PCK2: variants seen among roughly 807,000 people sequenced by gnomAD.
PCK2 encodes phosphoenolpyruvate carboxykinase 2, mitochondrial, also known as phosphoenolpyruvate carboxykinase [GTP], mitochondrial.
In PCK2, 56 loss-of-function variants were observed where a neutral mutation model predicts 65.9. That is an observed-to-expected ratio of 0.85 (90% confidence interval 0.69 to 1.06). PCK2 has a LOEUF of 1.06. PCK2 is among the 50% of genes least tolerant of loss of function. The pLI, the probability that PCK2 is intolerant of heterozygous loss-of-function variation, is 0.00. For missense variants in PCK2, 843 were observed against 863.1 expected (o/e 0.98, Z 0.29); for synonymous variants, 305 against 319.6 (o/e 0.95, Z 0.49).
rs17101262 is a variant in PCK2 at position 24,100,195 on chromosome 14, G to A, written c.1216G>A (p.Gly406Ser). 1.1e-3 allele frequency: 1,849 copies of A among 1,614,154 alleles called. 22 individuals are homozygous for A. In the African/African-American group the frequency reaches 0.022, roughly 19 times the overall value. The change falls in exon 7 of 10, where the codon GGC becomes AGC. Residue 406 changes from glycine to serine, a missense_variant. Physicochemically the swap from Gly to Ser is moderately conservative, Grantham distance 56. Transcript: ENST00000216780. Reference sequence around the variant, plus strand: ...TGGTGTTACTGTGACCTCCTGGCTGGGCAAACCCTGGAAACCTGGTATGTG... The same window carrying A: ...TGGTGTTACTGTGACCTCCTGGCTGAGCAAACCCTGGAAACCTGGTATGTG... ...PPGVTVTSWL[G>S]KPWKPGDKEP...
chr14:24,094,992 G>A lies in PCK2; in HGVS notation c.29+558G>A. On this transcript the variant is annotated intron_variant, in intron 1 of 9. Transcript: ENST00000216780. The surrounding 1 kb of genome is among the most constrained non-coding windows in gnomAD (Gnocchi z 4.1). ...GAGGGACCTGGGCCCAGGGGAGGGA[G>A]GCAAGCAAGGTGGGAGGAGGGCGCC... 1.8e-6 allele frequency: 1 copy of A among 567,886 alleles called. No homozygotes were observed. The highest frequency in any genetic ancestry group is 2.9e-6 in the Non-Finnish European group (1 of 342,168). 35.2% of individuals were successfully genotyped at this position (567,886 alleles called of 1,614,324 possible).
chr14:24,094,668 T>G lies in PCK2; in HGVS notation c.29+234T>G. 6.6e-7 allele frequency: 1 copy of G among 1,514,358 alleles called. No homozygotes were observed. The highest frequency in any genetic ancestry group is 8.8e-7 in the Non-Finnish European group (1 of 1,133,768). The allele number at this position is 1,514,358 out of a possible 1,614,324, so 93.8% of individuals were successfully genotyped here. A position where few individuals can be genotyped will look rare whatever the true frequency, so the allele number is the denominator to read the frequency against. On this transcript the variant is annotated intron_variant, in intron 1 of 9. Transcript: ENST00000216780. The surrounding 1 kb of genome is among the most constrained non-coding windows in gnomAD (Gnocchi z 4.1). ...TCCCCTTCTCTGCCTCGCTCGCCTC[T>G]GACCGCGCGATCTCTATCTGCCACT...
chr14:24,094,277 C>T (rs1262260053), upstream of PCK2: 59 of 895,634 alleles, frequency 6.6e-5, no homozygotes, highest in South Asian at 8.3e-4. This position sits in a 1 kb window ranked among gnomAD's most constrained non-coding sequence, Gnocchi z 4.1. Flanking sequence ...CGCCTGCCCC[C>T]CTCCTTTTTA....
At chr14:24,099,384 C>A in intron 5 of PCK2, 148 bp downstream of exon 5, 1 of 1,001,466 alleles carries the variant, frequency 1.0e-6, no homozygotes, top group Non-Finnish European at 1.4e-6. Flanking sequence ...TGGCCTCAGG[C>A]TGCTGAATGT....
chr14:24,094,328 G>T lies in PCK2; in HGVS notation c.-78G>T, dbSNP rs2036750864. 1 of 1,400,244 alleles carries T rather than the reference G, an allele frequency of 7.1e-7. No individual in the cohort carries two copies. Among genetic ancestry groups the T allele is most frequent in the South Asian group, 1.2e-5 (1 of 80,784 alleles). The allele number at this position is 1,400,244 out of a possible 1,614,324, so 86.7% of individuals were successfully genotyped here. A position where few individuals can be genotyped will look rare whatever the true frequency, so the allele number is the denominator to read the frequency against. The stretch of plus-strand genomic sequence containing the variant: ...CCTCTGCTGTGGCTCGCTTCGCCGC[G>T]CTCCCTCCTTCCCCGCCTTCCATAC... On this transcript the variant is annotated 5_prime_UTR_variant, in exon 1 of 10. Transcript: ENST00000216780. The surrounding 1 kb of genome is among the most constrained non-coding windows in gnomAD (Gnocchi z 4.1).
chr14:24,100,623 A>G, intron 7 of PCK2: 1 of 1,028,248 alleles, frequency 9.7e-7, no homozygotes, highest in Non-Finnish European at 1.2e-6. Context: ...TTCTTACAGA[A>G]GGTATTGGGC....
chr14:24,102,973 C>A, intron 8 of PCK2, 83 bp downstream of exon 8: 2 of 1,406,360 alleles, frequency 1.4e-6, no homozygotes, highest in Non-Finnish European at 2.0e-6. Flanking sequence ...GATCCAGAGC[C>A]TCAGCCTGGA....
chr14:24,096,926 C>T lies in PCK2; in HGVS notation c.64C>T (p.Pro22Ser). Residue 22 changes from proline (P) to serine (S), a missense_variant, in exon 2 of 10, where the codon CCA (proline) becomes TCA (serine). Pro to Ser is a moderately conservative substitution (Grantham distance 74, BLOSUM62 -1). Coordinates refer to ENST00000216780, the MANE Select transcript of PCK2 (RefSeq NM_004563.4). ...GCATGGGCTGAGCCCCTTGGGCTGG[C>T]CATCATGCCGTAGCATCCAGACCCT... ...NWHGLSPLGW[P>S]SCRSIQTLRV... The T allele has an allele frequency of 6.2e-7, 1 of 1,613,098 alleles. No homozygotes were observed. Among genetic ancestry groups the T allele is most frequent in the South Asian group, 1.1e-5 (1 of 91,068 alleles).
At position 24,103,845 on chromosome 14, in the gene PCK2, T is replaced by G. The variant is rs773870661; in HGVS notation, c.1804T>G (p.Phe602Val). The change falls in exon 10 of 10, where the codon TTC (phenylalanine) becomes GTC (valine). Residue 602 changes from phenylalanine (F) to valine (V), a missense_variant. By Grantham distance (50) the Phe-to-Val change is conservative. Coordinates refer to ENST00000216780, the MANE Select transcript of PCK2 (RefSeq NM_004563.4). ...TTQLFSLPKD[F>V]WEQEVRDIRS... is the part of the protein sequence containing the mutation. ...TCAGCTGTTCTCCCTCCCCAAGGAC[T>G]TCTGGGAACAGGAGGTTCGTGACAT... 3 of 1,614,074 alleles carry G rather than the reference T, an allele frequency of 1.9e-6. No homozygotes were observed. Among genetic ancestry groups the G allele is most frequent in the Non-Finnish European group, 2.5e-6 (3 of 1,179,966 alleles).
chr14:24,100,518 G>T, intron 7 of PCK2: 1 of 875,958 alleles, frequency 1.1e-6, no homozygotes. Flanking sequence ...TGCATAAAAA[G>T]GGTTTATCAC....
intron 6 of PCK2, 79 bp downstream of exon 6, chr14:24,099,799 CTT>C (rs3216810): frequency 0.043 from 65,741 of 1,524,190 alleles, 4,623 homozygotes; most frequent in East Asian, 0.21. Flanking sequence ...TTCACAATGA[CTT>C]TGTCAGTGAG....
Position 24,103,952 on chromosome 14 carries a change from G to A in PCK2, c.1911G>A (p.Val637=). The A allele has an allele frequency of 2.5e-6, 4 of 1,613,250 alleles. No individual in the cohort carries two copies. Among genetic ancestry groups the A allele is most frequent in the Non-Finnish European group, 2.5e-6 (3 of 1,179,432 alleles). ...AGCTTGAGGCCCTGGAGAGACGTGT[G>A]CACAAAATGTGACCTGAGGCCCTAG... ...LAELEALERR[V]HKM The change falls in exon 10 of 10, where the codon GTG becomes GTA. Residue 637 remains valine (V), a synonymous_variant. Transcript: ENST00000216780.
chr14:24,099,676 A>G lies in PCK2; in HGVS notation c.971A>G (p.Glu324Gly). The G allele has an allele frequency of 6.2e-7, 1 of 1,613,990 alleles. No homozygotes were observed. The highest frequency in any genetic ancestry group is 1.1e-5 in the South Asian group (1 of 91,070). ...CCTGCACTGCCAGGCTGGAAAGTGGAGTGTGTGGGGGATGATATTGCTTGG... is the reference window on the plus strand; with the variant it reads ...CCTGCACTGCCAGGCTGGAAAGTGGGGTGTGTGGGGGATGATATTGCTTGG... The part of the protein sequence containing the change: ...MRPALPGWKV[E>G]CVGDDIAWMR... The change falls in exon 6 of 10, where the codon GAG (glutamate) becomes GGG (glycine). Residue 324 changes from glutamate (E) to glycine (G), a missense_variant. Transcript: ENST00000216780.
Position 24,099,062 on chromosome 14 carries a change from CCAGT to C in PCK2, c.679_682del (p.Gln227GlyfsTer9). The C allele has an allele frequency of 1.2e-6, 2 of 1,602,352 alleles. No homozygotes were observed. Among genetic ancestry groups the C allele is most frequent in the East Asian group, 4.5e-5 (2 of 44,574 alleles). ...CATTGTCCCCAGGGGAGCCAGTGAG[CCAGT>C]GGCCGTGCAACCCAGAGAAAACCCT... On this transcript the variant is annotated frameshift_variant, in exon 5 of 10. Transcript: ENST00000216780. LOFTEE classifies it high-confidence loss of function.
At chr14:24,099,764 G>C in intron 6 of PCK2, 44 bp downstream of exon 6, 1 of 1,577,186 alleles carries the variant, frequency 6.3e-7, no homozygotes, top group Non-Finnish European at 8.7e-7. Context: ...GCTCTTGTCA[G>C]AGCCTCGGGG....
chr14:24,094,684 A>C lies in PCK2; in HGVS notation c.29+250A>C. 6.6e-7 allele frequency: 1 copy of C among 1,519,376 alleles called. No homozygotes were observed. The allele number at this position is 1,519,376 out of a possible 1,614,324, so 94.1% of individuals were successfully genotyped here. ...GCTCGCCTCTGACCGCGCGATCTCT[A>C]TCTGCCACTCTCAGAACTTCCTCTC... On this transcript the variant is annotated intron_variant, in intron 1 of 9. Transcript: ENST00000216780. The surrounding 1 kb of genome is among the most constrained non-coding windows in gnomAD (Gnocchi z 4.1).
At chr14:24,094,273 C>A, upstream of PCK2, 1 of 805,816 alleles carries the variant, frequency 1.2e-6, no homozygotes. This position sits in a 1 kb window ranked among gnomAD's most constrained non-coding sequence, Gnocchi z 4.1. Context: ...CCCGCGCCTG[C>A]CCCCCTCCTT....
intron 6 of PCK2, 100 bp downstream of exon 6, chr14:24,099,820 C>CTGATG: frequency 6.6e-7 from 1 of 1,510,260 alleles, no homozygotes; most frequent in South Asian, 1.1e-5. Context: ...AGAAAGTTTC[C>CTGATG]TGAACACCCA....
chr14:24,095,516 TA>T (rs1181040752), intron 1 of PCK2: 14 of 293,628 alleles, frequency 4.8e-5, no homozygotes, highest in African/African-American at 3.0e-4. Flanking sequence ...TTCCCCAGGC[TA>T]ACACCCTCTG....
Sources: allele counts gnomAD v4.1 joint callset, GRCh38; gene constraint gnomAD v4.1.1; non-coding constraint Gnocchi (gnomAD v3.1); transcripts MANE v1.5; gene names NCBI Gene and HGNC (gene_info 2026-07-23, HGNC 2026-07-21).